The following TENM3 variants were observed in gnomAD, a reference collection of about 807,000 sequenced individuals.
TENM3 encodes teneurin-3.
A neutral mutation model predicts 255.1 loss-of-function variants in TENM3; 63 were observed. The observed-to-expected ratio is 0.25, with a 90% confidence interval of 0.20 to 0.30. The LOEUF is 0.30. Among genes scored for constraint, TENM3 ranks in the 10% least tolerant of loss-of-function variants. The probability of loss-of-function intolerance (pLI) is 1.00; values close to 1 mark genes in which losing one functional copy is unlikely to be tolerated. For missense variants in TENM3, 2,929 were observed against 3,461.1 expected (o/e 0.85, Z 3.86); for synonymous variants, 1,306 against 1,322.3 (o/e 0.99, Z 0.27).
the TENM3 span, among the ~76,000 whole-genome samples, chr4:181,545,345 G>A: frequency 6.6e-6 from 1 of 152,220 alleles, no homozygotes; most frequent in East Asian, 1.9e-4. Context: ...TTACTAGTCC[G>A]TGGTTTGTAG....
intron 3 of TENM3, among the ~76,000 whole-genome samples, chr4:182,522,341 C>G (rs7659928): frequency 0.39 from 58,544 of 151,916 alleles, 11,510 homozygotes; most frequent in Admixed American, 0.43. Flanking sequence ...CTTTTTCTCC[C>G]GCTTTCACTT....
At chr4:182,215,286 A>G (rs2149919852) in intron 1 of TENM3, among the ~76,000 whole-genome samples, 2 of 152,316 alleles carry the variant, frequency 1.3e-5, no homozygotes, top group South Asian at 4.1e-4. Context: ...ATCTTTATTA[A>G]TGAAAAAAAG....
chr4:182,311,498 G>A (rs1188622319), intron 1 of TENM3, among the ~76,000 whole-genome samples: 1 of 152,108 alleles, frequency 6.6e-6, no homozygotes, highest in Non-Finnish European at 1.5e-5. Flanking sequence ...AGGTTAAGAG[G>A]AGAGATTTGG....
At position 182,615,129 on chromosome 4, in the gene TENM3, T is replaced by TTG. The variant is rs146363760; in HGVS notation, c.750-13509_750-13508dup. ...AGTGAAAAGAGATTAGAGATTATATTTGTGTGTGTGTGTGCTTACACGTTA... is the reference window on the plus strand; with the variant it reads ...AGTGAAAAGAGATTAGAGATTATATTTGTGTGTGTGTGTGTGCTTACACGTTA... On this transcript the variant is annotated intron_variant, in intron 4 of 27. Coordinates refer to ENST00000511685, the MANE Select transcript of TENM3 (RefSeq NM_001080477.4). 4.4e-4 allele frequency among the ~76,000 whole-genome samples: 66 copies of TTG among 150,098 alleles called. No individual in the cohort carries two copies. The East Asian group carries it at 0.011, about 25-fold the overall frequency.
chr4:181,491,319 A>C, the TENM3 span, among the ~76,000 whole-genome samples: 1 of 152,128 alleles, frequency 6.6e-6, no homozygotes, highest in Non-Finnish European at 1.5e-5. Context: ...AAATGAAGTC[A>C]TAATTCATCT....
At chr4:182,384,849 C>T (rs961834966) in intron 3 of TENM3, among the ~76,000 whole-genome samples, 2 of 152,052 alleles carry the variant, frequency 1.3e-5, no homozygotes, top group African/African-American at 2.4e-5. Flanking sequence ...AACCTCCCTC[C>T]GTATTTGGCT....
intron 1 of TENM3, among the ~76,000 whole-genome samples, chr4:182,306,239 G>A (rs966568086): frequency 1.3e-5 from 2 of 151,442 alleles, no homozygotes; most frequent in African/African-American, 4.9e-5. Context: ...TGTCACCCAG[G>A]CTGGAGTACA....
At chr4:181,692,026 C>T in the TENM3 span, among the ~76,000 whole-genome samples, 2 of 152,072 alleles carry the variant, frequency 1.3e-5, no homozygotes, top group Non-Finnish European at 2.9e-5. Flanking sequence ...TCTGACAAAG[C>T]GTCATAAATC....
chr4:181,580,637 C>A, the TENM3 span, among the ~76,000 whole-genome samples: 1 of 152,114 alleles, frequency 6.6e-6, no homozygotes, highest in South Asian at 2.1e-4. Flanking sequence ...GAGTCCCAGA[C>A]CCCCCTGAGA....
chr4:182,059,745 C>CAAAAA, the TENM3 span, among the ~76,000 whole-genome samples: 2 of 43,168 alleles, frequency 4.6e-5, no homozygotes, highest in Non-Finnish European at 4.4e-5. Flanking sequence ...TCTGTCTCTA[C>CAAAAA]AAAAAAAAAA....
intron 3 of TENM3, among the ~76,000 whole-genome samples, chr4:182,473,448 T>C (rs536771944): frequency 3.7e-4 from 56 of 152,068 alleles, no homozygotes; most frequent in Middle Eastern, 6.8e-3. Context: ...CCAAGGCGGG[T>C]GGATCACGAA....
chr4:182,225,236 G>T, intron 1 of TENM3, among the ~76,000 whole-genome samples: 1 of 152,134 alleles, frequency 6.6e-6, no homozygotes. Flanking sequence ...AATTATTGTT[G>T]TTTTGGGTCT....
chr4:181,835,733 A>G, the TENM3 span, among the ~76,000 whole-genome samples: 283 of 152,318 alleles, frequency 1.9e-3, 1 homozygote, highest in African/African-American at 6.6e-3. Flanking sequence ...GGTGTTTTTT[A>G]GTTATCGGCA....
intron 3 of TENM3, among the ~76,000 whole-genome samples, chr4:182,586,882 A>C (rs1424526460): frequency 6.6e-6 from 1 of 152,208 alleles, no homozygotes; most frequent in African/African-American, 2.4e-5. Flanking sequence ...CTGCAAAATT[A>C]ATATATTTTT....
chr4:182,225,549 C>G (rs1433238263), intron 1 of TENM3, among the ~76,000 whole-genome samples: 4 of 152,158 alleles, frequency 2.6e-5, no homozygotes, highest in Non-Finnish European at 5.9e-5. Context: ...GTTAGGACCT[C>G]TCAGAGCTGG....
intron 3 of TENM3, among the ~76,000 whole-genome samples, chr4:182,434,823 A>G (rs1168643813): frequency 6.6e-6 from 1 of 152,118 alleles, no homozygotes; most frequent in African/African-American, 2.4e-5. Flanking sequence ...GAGGACCGGT[A>G]ATCTTTGCCA....
At chr4:181,739,415 A>T in the TENM3 span, among the ~76,000 whole-genome samples, 2 of 152,164 alleles carry the variant, frequency 1.3e-5, no homozygotes, top group African/African-American at 4.8e-5. Context: ...CCAACTAAAG[A>T]ACTATACTTG....
At chr4:181,536,669 A>G in the TENM3 span, among the ~76,000 whole-genome samples, 522 of 152,342 alleles carry the variant, frequency 3.4e-3, 4 homozygotes, top group African/African-American at 0.012. Flanking sequence ...CACATGCACC[A>G]TTGAATAATT....
At chr4:181,915,928 A>G in the TENM3 span, among the ~76,000 whole-genome samples, 2 of 152,142 alleles carry the variant, frequency 1.3e-5, no homozygotes, top group Admixed American at 6.5e-5. Context: ...GAAAACTCCA[A>G]TACAGGCAGT....
Sources: gnomAD v4.1 joint callset for allele counts (sites outside exome capture counted in the v4.1 genomes callset) on GRCh38, gnomAD v4.1.1 for gene constraint, MANE v1.5 for transcripts, NCBI Gene and HGNC (gene_info 2026-07-23, HGNC 2026-07-21) for gene names.